TRPM3: variants seen among roughly 807,000 people sequenced by gnomAD.
TRPM3 encodes the protein long transient receptor potential channel 3.
Under a neutral mutation model 181.2 loss-of-function variants are expected in TRPM3, and 77 were observed. That is an observed-to-expected ratio of 0.42 (90% CI 0.35 to 0.51). The LOEUF (loss-of-function observed/expected upper bound fraction) is 0.51, where lower values mean the gene tolerates loss of function less well. TRPM3 is among the 20% of genes least tolerant of loss of function. The pLI is 0.01. For missense variants in TRPM3, 1,759 were observed against 2,196.7 expected, an observed-to-expected ratio of 0.80 and a Z score of 3.98; for synonymous variants, 745 against 796.4, an observed-to-expected ratio of 0.94 and a Z score of 1.09.
chr9:70,886,097 T>C (rs2096077214), intron 1 of TRPM3, among the ~76,000 whole-genome samples: 1 of 152,218 alleles, frequency 6.6e-6, no homozygotes, highest in South Asian at 2.1e-4. Context: ...TTTAGAAAAC[T>C]GCATTTGCAT....
At chr9:71,342,327 C>A (rs2091015844) in intron 1 of TRPM3, among the ~76,000 whole-genome samples, 1 of 149,320 alleles carries the variant, frequency 6.7e-6, no homozygotes, top group Admixed American at 6.7e-5. Context: ...AGAACTTTAT[C>A]CTGAAAACAC....
chr9:71,424,036 T>G (rs2093822159), intron 1 of TRPM3, among the ~76,000 whole-genome samples: 1 of 152,084 alleles, frequency 6.6e-6, no homozygotes, highest in African/African-American at 2.4e-5. Context: ...CGCTCAATAG[T>G]TTTTCAACAT....
At chr9:70,993,691 G>A (rs1268881206) in intron 1 of TRPM3, among the ~76,000 whole-genome samples, 3 of 149,920 alleles carry the variant, frequency 2.0e-5, no homozygotes, top group Non-Finnish European at 4.4e-5. Context: ...ATTATCTGTG[G>A]AAGGAGCACA....
chr9:71,009,322 A>G (rs1030701047), intron 1 of TRPM3, among the ~76,000 whole-genome samples: 1 of 152,226 alleles, frequency 6.6e-6, no homozygotes, highest in African/African-American at 2.4e-5. Flanking sequence ...TGAAGATGAC[A>G]TGATCATATA....
At chr9:71,308,204 C>T (rs1032647611) in intron 1 of TRPM3, among the ~76,000 whole-genome samples, 1 of 152,050 alleles carries the variant, frequency 6.6e-6, no homozygotes, top group Admixed American at 6.6e-5. Context: ...TACATTTTAA[C>T]ATCCCTGCCC....
At chr9:71,390,510 C>A (rs529249483) in intron 1 of TRPM3, among the ~76,000 whole-genome samples, 20 of 151,958 alleles carry the variant, frequency 1.3e-4, no homozygotes, top group Non-Finnish European at 2.7e-4. Context: ...GCAAGATTCT[C>A]CTTTCTACCA....
At chr9:70,876,538 T>A (rs1221162323) in intron 1 of TRPM3, among the ~76,000 whole-genome samples, 1 of 151,742 alleles carries the variant, frequency 6.6e-6, no homozygotes, top group African/African-American at 2.4e-5. Context: ...ATAGACATTA[T>A]AAAAATAATT....
At chr9:70,553,763 T>C (rs530693982) in intron 22 of TRPM3, among the ~76,000 whole-genome samples, 6 of 152,286 alleles carry the variant, frequency 3.9e-5, no homozygotes, top group African/African-American at 1.2e-4. Flanking sequence ...GGACTATTGA[T>C]CGGGAATTAA....
At chr9:70,914,884 T>C (rs2096574822) in intron 1 of TRPM3, among the ~76,000 whole-genome samples, 1 of 152,194 alleles carries the variant, frequency 6.6e-6, no homozygotes, top group Admixed American at 6.5e-5. Flanking sequence ...AACTACAGTG[T>C]TACTGGACTT....
intron 1 of TRPM3, among the ~76,000 whole-genome samples, chr9:70,946,061 T>C (rs977578094): frequency 2.0e-5 from 3 of 152,196 alleles, no homozygotes; most frequent in African/African-American, 7.2e-5. Context: ...ATAGTACAAA[T>C]GATCAAATAT....
At chr9:71,179,327 A>C (rs2077269979) in intron 1 of TRPM3, among the ~76,000 whole-genome samples, 1 of 152,058 alleles carries the variant, frequency 6.6e-6, no homozygotes, top group East Asian at 1.9e-4. Flanking sequence ...GGGCCTCACC[A>C]CTCACGATTG....
intron 1 of TRPM3, among the ~76,000 whole-genome samples, chr9:70,897,297 G>C (rs553544332): frequency 1.3e-4 from 17 of 128,304 alleles, no homozygotes; most frequent in Non-Finnish European, 2.9e-4. Flanking sequence ...GTCTCCATGA[G>C]ATCAATTTTT....
chr9:70,700,249 C>A (rs560562745), intron 8 of TRPM3, among the ~76,000 whole-genome samples: 4 of 152,162 alleles, frequency 2.6e-5, no homozygotes, highest in Non-Finnish European at 4.4e-5. Context: ...TCCCAAAGTG[C>A]GGGGATTATA....
chr9:71,424,983 G>A (rs978245650), intron 1 of TRPM3, among the ~76,000 whole-genome samples: 1 of 151,978 alleles, frequency 6.6e-6, no homozygotes, highest in Non-Finnish European at 1.5e-5. Flanking sequence ...AGATGAAATG[G>A]GCTATTTAAT....
intron 1 of TRPM3, among the ~76,000 whole-genome samples, chr9:71,011,884 G>A (rs1386980416): frequency 1.3e-5 from 2 of 150,160 alleles, no homozygotes; most frequent in Non-Finnish European, 1.5e-5. Context: ...AGGTTCAAGC[G>A]ATCCTTCCAC....
chr9:70,941,695 C>T (rs1217785439), intron 1 of TRPM3, among the ~76,000 whole-genome samples: 1 of 152,154 alleles, frequency 6.6e-6, no homozygotes, highest in African/African-American at 2.4e-5. Context: ...AGGCAAGAGG[C>T]ATTTTACTAG....
intron 1 of TRPM3, among the ~76,000 whole-genome samples, chr9:70,973,348 A>G (rs2097265222): frequency 6.6e-6 from 1 of 152,214 alleles, no homozygotes; most frequent in Non-Finnish European, 1.5e-5. Context: ...TTTAATTTCT[A>G]GTAAAAATGA....
At chr9:71,189,297 T>C (rs2077867518) in intron 1 of TRPM3, among the ~76,000 whole-genome samples, 1 of 151,888 alleles carries the variant, frequency 6.6e-6, no homozygotes, top group African/African-American at 2.4e-5. Context: ...ATCAACAATA[T>C]ATTCAGCTTT....
At chr9:70,575,481 T>C (rs2053689887) in intron 22 of TRPM3, among the ~76,000 whole-genome samples, 1 of 152,206 alleles carries the variant, frequency 6.6e-6, no homozygotes, top group Admixed American at 6.5e-5. Context: ...ATTTGGCACA[T>C]GACACATCAC....
Sources: gnomAD v4.1 joint callset for allele counts (sites outside exome capture counted in the v4.1 genomes callset) on GRCh38, gnomAD v4.1.1 for gene constraint, MANE v1.5 for transcripts, NCBI Gene and HGNC (gene_info 2026-07-23, HGNC 2026-07-21) for gene names.